PLS1: variants seen among roughly 807,000 people sequenced by gnomAD.
PLS1 encodes plastin-1.
Under a neutral mutation model 73.7 loss-of-function variants are expected in PLS1, and 32 were observed. The observed-to-expected ratio is 0.43, with a 90% confidence interval of 0.33 to 0.58. The LOEUF (loss-of-function observed/expected upper bound fraction) is 0.58, where lower values mean the gene tolerates loss of function less well. PLS1 is among the 20% of genes least tolerant of loss of function. PLS1 has a pLI of 0.04. For missense variants in PLS1, 633 were observed against 740.5 expected (o/e 0.85, Z 1.68); for synonymous variants, 217 against 261.3 (o/e 0.83, Z 1.63).
chr3:142,678,778 A>G (rs13095840), intron 6 of PLS1, among the ~76,000 whole-genome samples: 103,707 of 150,300 alleles, frequency 0.69, 37,439 homozygotes, highest in African/African-American at 0.9. Context: ...AGTCCTTTGG[A>G]TATATACCCA....
chr3:142,641,779 G>A (rs2036847016), intron 1 of PLS1, among the ~76,000 whole-genome samples: 1 of 152,080 alleles, frequency 6.6e-6, no homozygotes, highest in South Asian at 2.1e-4. Context: ...TTTCTTTAGG[G>A]GAGATGGTGT....
In PLS1 at chr3:142,670,977, T is replaced by A. The variant is rs868356873; in HGVS notation, c.235-16T>A. On this transcript the variant is annotated splice_polypyrimidine_tract_variant and intron_variant, in intron 3 of 15. Coordinates refer to ENST00000457734, the MANE Select transcript of PLS1 (RefSeq NM_001145319.2). ...TTGATTATCTGATTCTCAATTTTACTTATGTTCCATTCCAGCTAATGCAAG... is the reference window on the plus strand; with the variant it reads ...TTGATTATCTGATTCTCAATTTTACATATGTTCCATTCCAGCTAATGCAAG... 2 of 1,552,532 alleles carry A rather than the reference T, an allele frequency of 1.3e-6. No individual in the cohort carries two copies. The highest frequency in any genetic ancestry group is 3.4e-4 in the Middle Eastern group (2 of 5,914).
chr3:142,684,308 T>C lies in PLS1; in HGVS notation c.801T>C (p.Ser267=), dbSNP rs867907201. 1.2e-6 allele frequency: 2 copies of C among 1,614,110 alleles called. No individual in the cohort carries two copies. Among genetic ancestry groups the C allele is most frequent in the Non-Finnish European group, 8.5e-7 (1 of 1,179,958 alleles). Residue 267 remains serine (S), a synonymous_variant, in exon 8 of 16, where the codon TCT becomes TCC. Transcript: ENST00000457734. The part of the protein sequence containing the change: ...GEELEELMKL[S]PEELLLRWVN... Reference sequence around the variant, plus strand: ...AACTAGAGGAGCTGATGAAGCTTTCTCCCGAGGAATTACTGCTGCGATGGG... The same window carrying C: ...AACTAGAGGAGCTGATGAAGCTTTCCCCCGAGGAATTACTGCTGCGATGGG...
At chr3:142,696,425 G>A (rs769844654) in intron 11 of PLS1, among the ~76,000 whole-genome samples, 58 of 152,038 alleles carry the variant, frequency 3.8e-4, no homozygotes, top group African/African-American at 1.3e-3. Flanking sequence ...TTGGAGAACC[G>A]TCAGATGTAG....
At position 142,671,159 on chromosome 3, in the gene PLS1, G is replaced by T. The variant is rs59936227; in HGVS notation, c.364+37G>T. 5.3e-3 allele frequency: 8,199 copies of T among 1,536,732 alleles called. 371 individuals carry two copies. The African/African-American group carries it at 0.098, about 18-fold the overall frequency. ...CTCCAAATTTGATCTTTTAGTCACT[G>T]ATTCATTGATTAAGTGACATATTTA... On this transcript the variant is annotated intron_variant, in intron 4 of 15. Transcript: ENST00000457734.
chr3:142,678,143 G>A, intron 6 of PLS1, 30 bp downstream of exon 6: 1 of 1,078,296 alleles, frequency 9.3e-7, no homozygotes, highest in Non-Finnish European at 1.3e-6. Context: ...TTATTATCAT[G>A]TTACTATGCT....
chr3:142,608,809 C>T (rs1261336164), intron 1 of PLS1, among the ~76,000 whole-genome samples: 1 of 152,150 alleles, frequency 6.6e-6, no homozygotes, highest in Non-Finnish European at 1.5e-5. Context: ...GAAACTAAGC[C>T]AGCTTTGCCT....
At chr3:142,627,712 C>G (rs13075800) in intron 1 of PLS1, 25,327 of 152,150 alleles carry the variant, frequency 0.17, 2,275 homozygotes, top group East Asian at 0.2. Context: ...CTCACTGCAG[C>G]CTCGACCTCC....
chr3:142,659,601 A>G (rs139911714), intron 1 of PLS1, among the ~76,000 whole-genome samples: 2 of 152,022 alleles, frequency 1.3e-5, no homozygotes, highest in African/African-American at 4.8e-5. Context: ...AATGAAGAGT[A>G]AGCCTCTTCC....
At chr3:142,669,645 A>G in intron 3 of PLS1, 92 bp downstream of exon 3, 1 of 758,478 alleles carries the variant, frequency 1.3e-6, no homozygotes, top group East Asian at 2.8e-5. Context: ...ATCCAGCTTC[A>G]GAGACCAGAA....
intron 1 of PLS1, among the ~76,000 whole-genome samples, chr3:142,643,560 C>T (rs2883380): frequency 0.61 from 91,912 of 151,880 alleles, 28,225 homozygotes; most frequent in Non-Finnish European, 0.64. Flanking sequence ...AGCAAGGCTA[C>T]GCTCACTGAT....
At chr3:142,626,828 G>A (rs941220424) in intron 1 of PLS1, among the ~76,000 whole-genome samples, 3 of 152,150 alleles carry the variant, frequency 2.0e-5, no homozygotes, top group African/African-American at 7.2e-5. Flanking sequence ...TGTAGCTTTG[G>A]TATCAACTGG....
At chr3:142,659,818 T>C (rs1367322616) in intron 1 of PLS1, among the ~76,000 whole-genome samples, 2 of 152,080 alleles carry the variant, frequency 1.3e-5, no homozygotes, top group Non-Finnish European at 2.9e-5. Flanking sequence ...TGCCTCAGCC[T>C]CCTGAATAGC....
Position 142,629,778 on chromosome 3 carries a change from C to A in PLS1, c.-37+33269C>A, listed in dbSNP as rs1321087547. 3.3e-5 allele frequency among the ~76,000 whole-genome samples: 5 copies of A among 152,276 alleles called. No individual in the cohort carries two copies. In the East Asian group the frequency reaches 9.7e-4, roughly 29 times the overall value. ...GCCCACAGACAGTGTGGTTTCTCAA[C>A]CTCAGCACTATAGGAATGTTAGACT... is the stretch of plus-strand genomic sequence containing the variant. On this transcript the variant is annotated intron_variant, in intron 1 of 15. Coordinates refer to ENST00000457734, the MANE Select transcript of PLS1 (RefSeq NM_001145319.2).
intron 1 of PLS1, among the ~76,000 whole-genome samples, chr3:142,625,218 C>T (rs1296883772): frequency 2.0e-5 from 3 of 151,248 alleles, no homozygotes; most frequent in African/African-American, 4.9e-5. Flanking sequence ...CTTAAACTCC[C>T]GAATATGTCA....
intron 1 of PLS1, chr3:142,619,376 T>A (rs1345472312): frequency 2.0e-5 from 3 of 152,246 alleles, no homozygotes; most frequent in African/African-American, 7.2e-5. Flanking sequence ...CACTTCCAGC[T>A]GCTTGGTGTG....
rs2037908632 is a variant in PLS1 at position 142,683,990 on chromosome 3, T to G, written c.580-16T>G. 7.6e-6 allele frequency: 12 copies of G among 1,589,296 alleles called. No individual in the cohort carries two copies. Among genetic ancestry groups the G allele is most frequent in the Non-Finnish European group, 1.0e-5 (12 of 1,169,708 alleles). ...AAAGGACTTCCTCATGTGTACTTTT[T>G]TTTTTGGCAATTCAGGAAAATTTAA... On this transcript the variant is annotated splice_polypyrimidine_tract_variant and intron_variant, in intron 6 of 15. Coordinates refer to ENST00000457734, the MANE Select transcript of PLS1 (RefSeq NM_001145319.2).
chr3:142,631,872 C>T (rs771786207), intron 1 of PLS1, among the ~76,000 whole-genome samples: 6 of 151,952 alleles, frequency 3.9e-5, no homozygotes, highest in Non-Finnish European at 8.8e-5. Context: ...ACACATGGGA[C>T]TTCATCAAAC....
intron 1 of PLS1, among the ~76,000 whole-genome samples, chr3:142,638,552 CTCTT>C (rs1240587575): frequency 6.6e-6 from 1 of 152,142 alleles, no homozygotes. Context: ...TGTCTTTAAA[CTCTT>C]TCTAGCCATA....
Sources: allele counts gnomAD v4.1 joint callset (sites outside exome capture counted in the v4.1 genomes callset), GRCh38; gene constraint gnomAD v4.1.1; transcripts MANE v1.5; gene names NCBI Gene and HGNC (gene_info 2026-07-23, HGNC 2026-07-21).